The following SHTN1 variants were observed in gnomAD, a reference collection of about 807,000 sequenced individuals.
SHTN1 encodes the protein shootin 1.
In SHTN1, 42 loss-of-function variants were observed where a neutral mutation model predicts 83.1. The observed-to-expected ratio is 0.51, with a 90% CI of 0.39 to 0.65. The LOEUF is 0.65. Ranked by LOEUF, SHTN1 falls within the 30% of genes least tolerant of loss-of-function variation. The pLI is 0.00. For synonymous variants in SHTN1, 224 were observed against 247.7 expected (o/e 0.90, Z 0.90); for missense variants, 622 against 737.8 (o/e 0.84, Z 1.82).
At chr10:116,906,883 A>G (rs766112392) in intron 14 of SHTN1, 136 bp from the exon 15 acceptor site, 37 of 692,294 alleles carry the variant, frequency 5.3e-5, no homozygotes, top group Non-Finnish European at 8.1e-5. Flanking sequence ...CTATATATTA[A>G]TATTTTTTAA....
At chr10:117,081,091 G>A (rs1251225503) in intron 1 of SHTN1, among the ~76,000 whole-genome samples, 1 of 151,162 alleles carries the variant, frequency 6.6e-6, no homozygotes, top group South Asian at 2.1e-4. Flanking sequence ...AGTGGTGAGA[G>A]AGGGCATCCC....
intron 2 of SHTN1, among the ~76,000 whole-genome samples, chr10:117,043,880 T>C (rs1274718299): frequency 4.6e-5 from 7 of 151,676 alleles, no homozygotes; most frequent in East Asian, 3.9e-4. Flanking sequence ...AATAAATAAA[T>C]AAACAAGGGG....
chr10:116,952,162 T>A (rs1451500878), intron 5 of SHTN1, among the ~76,000 whole-genome samples, 156 bp from the exon 6 acceptor site: 2 of 152,186 alleles, frequency 1.3e-5, no homozygotes, highest in African/African-American at 4.8e-5. Context: ...ACAATGAGAA[T>A]CTCATTTGCG....
chr10:116,938,560 G>A (rs1342743832), intron 9 of SHTN1, among the ~76,000 whole-genome samples: 1 of 152,208 alleles, frequency 6.6e-6, no homozygotes. Context: ...AAGGGCACCT[G>A]CCAGATGCCA....
chr10:116,951,562 G>A (rs1849779545), intron 6 of SHTN1, among the ~76,000 whole-genome samples: 1 of 152,202 alleles, frequency 6.6e-6, no homozygotes, highest in African/African-American at 2.4e-5. Context: ...CACCGGAAAA[G>A]CAAAACATGC....
chr10:116,924,501 T>C (rs1439726557), intron 11 of SHTN1, among the ~76,000 whole-genome samples: 1 of 152,116 alleles, frequency 6.6e-6, no homozygotes, highest in East Asian at 1.9e-4. Flanking sequence ...AGTTGAAGCA[T>C]AAGCTGTAGA....
intron 16 of SHTN1, among the ~76,000 whole-genome samples, chr10:116,889,984 A>G (rs1266886739): frequency 6.6e-6 from 1 of 151,964 alleles, no homozygotes; most frequent in Non-Finnish European, 1.5e-5. Context: ...CTTCATTCCT[A>G]TCGTATGGGA....
At chr10:116,969,707 G>A (rs1439750024) in intron 2 of SHTN1, among the ~76,000 whole-genome samples, 1 of 152,144 alleles carries the variant, frequency 6.6e-6, no homozygotes. Flanking sequence ...ACCTTTTAGG[G>A]TATCTGGTAT....
chr10:116,891,767 C>T (rs1847349762), intron 16 of SHTN1, among the ~76,000 whole-genome samples: 1 of 152,052 alleles, frequency 6.6e-6, no homozygotes, highest in South Asian at 2.1e-4. Flanking sequence ...TTGTCCAAAA[C>T]TTCACAAAAT....
chr10:116,973,962 TCTGGATTTCTA>T, intron 2 of SHTN1: 3 of 1,230,744 alleles, frequency 2.4e-6, no homozygotes, highest in Non-Finnish European at 3.2e-6. Flanking sequence ...AACTGTGCTT[TCTGGATTTCTA>T]CACTCTTATC....
In SHTN1 at chr10:116,881,605, T is replaced by G; in HGVS notation, c.*4739A>C. The G allele has an allele frequency of 1.3e-6, 2 of 1,550,486 alleles. No homozygotes were observed. The highest frequency in any genetic ancestry group is 4.9e-5 in the East Asian group (2 of 40,898). The stretch of plus-strand genomic sequence containing the variant: ...GAGGCTGCTGCGGCTAGGGAGCCGC[T>G]GGTGCCCACCTTCCCCACACAAGGT... On this transcript the variant is annotated 3_prime_UTR_variant, in exon 17 of 17. Transcript: ENST00000355371.
Position 116,926,713 on chromosome 10 carries a change from T to TAAA in SHTN1, c.1112+1076_1112+1078dup, listed in dbSNP as rs74871135. 1.5e-4 allele frequency among the ~76,000 whole-genome samples: 20 copies of TAAA among 136,576 alleles called. 2 individuals are homozygous for TAAA. The highest frequency in any genetic ancestry group is 5.0e-4 in the African/African-American group (19 of 37,906). The allele number at this position is 136,576 out of a possible 152,430, so 89.6% of individuals were successfully genotyped here. ...AAATCACATGAGTTAATGAAAGGTTTAAAAAAAAAAAAAACCCTAGAAAAA... is the reference window on the plus strand; with the variant it reads ...AAATCACATGAGTTAATGAAAGGTTTAAAAAAAAAAAAAAAAACCCTAGAAAAA... On this transcript the variant is annotated intron_variant, in intron 11 of 16. Transcript: ENST00000355371.
intron 15 of SHTN1, among the ~76,000 whole-genome samples, chr10:116,904,975 G>A (rs1389416758): frequency 6.6e-6 from 1 of 151,988 alleles, no homozygotes; most frequent in Non-Finnish European, 1.5e-5. Context: ...GCCGAGGCGG[G>A]TGGATCATGA....
At chr10:116,996,511 T>C (rs376251332) in intron 1 of SHTN1, among the ~76,000 whole-genome samples, 102 of 152,340 alleles carry the variant, frequency 6.7e-4, no homozygotes, top group African/African-American at 2.3e-3. Flanking sequence ...TCTGTCAGAT[T>C]GCAATTGCCT....
intron 1 of SHTN1, among the ~76,000 whole-genome samples, chr10:117,064,616 C>T (rs1457210134): frequency 4.7e-5 from 7 of 150,162 alleles, no homozygotes; most frequent in Middle Eastern, 3.5e-3. Context: ...GATCGTGCCA[C>T]TGCATTCCAG....
intron 7 of SHTN1, among the ~76,000 whole-genome samples, chr10:116,947,275 C>G (rs930142269): frequency 6.6e-6 from 1 of 152,158 alleles, no homozygotes; most frequent in Admixed American, 6.5e-5. Flanking sequence ...GCTGGGCAGA[C>G]AGCACACTGT....
chr10:116,996,937 A>C (rs1199792779), intron 1 of SHTN1, among the ~76,000 whole-genome samples: 8 of 152,218 alleles, frequency 5.3e-5, no homozygotes, highest in Admixed American at 3.9e-4. Flanking sequence ...CTGAAAGTAA[A>C]GTTTCAAAGG....
At chr10:117,013,889 A>C (rs1455687262) in intron 2 of SHTN1, among the ~76,000 whole-genome samples, 1 of 152,230 alleles carries the variant, frequency 6.6e-6, no homozygotes, top group African/African-American at 2.4e-5. Context: ...GTGAATGAAC[A>C]AATATATATA....
In SHTN1 at chr10:117,057,838, A is replaced by G. The variant is rs543329193; in HGVS notation, c.-188-9328T>C. Among the ~76,000 whole-genome samples the G allele has an allele frequency of 2.0e-5, 3 of 152,334 alleles. No individual in the cohort carries two copies. The South Asian group carries it at 6.2e-4, about 32-fold the overall frequency. ...TCTAGAGTTACCACATTGTTACATTAAAATGTTCAGTTTTCAACAAAACAT... is the reference window on the plus strand; with the variant it reads ...TCTAGAGTTACCACATTGTTACATTGAAATGTTCAGTTTTCAACAAAACAT... On this transcript the variant is annotated intron_variant, in intron 1 of 17. Coordinates refer to the SHTN1 transcript ENST00000392901.
Sources: gnomAD v4.1 joint callset for allele counts (sites outside exome capture counted in the v4.1 genomes callset) on GRCh38, gnomAD v4.1.1 for gene constraint, MANE v1.5 for transcripts, NCBI Gene and HGNC (gene_info 2026-07-23, HGNC 2026-07-21) for gene names.